The following KLHL1 variants were observed in gnomAD, a reference collection of about 807,000 sequenced individuals.
The protein encoded by KLHL1 is kelch like family member 1, also known as kelch-like protein 1.
Under a neutral mutation model 77.7 loss-of-function variants are expected in KLHL1, and 47 were observed. The observed-to-expected ratio is 0.60, with a 90% CI of 0.48 to 0.77. The LOEUF (loss-of-function observed/expected upper bound fraction) is 0.77, where lower values mean the gene tolerates loss of function less well. Among genes scored for constraint, KLHL1 ranks in the 30% least tolerant of loss-of-function variants. The pLI is 0.00. For missense variants in KLHL1, 925 were observed against 910.8 expected (o/e 1.02, Z -0.20); for synonymous variants, 360 against 325.2 (o/e 1.11, Z -1.15).
intron 7 of KLHL1, among the ~76,000 whole-genome samples, chr13:69,775,668 C>G (rs1251803011): frequency 6.6e-6 from 1 of 151,652 alleles, no homozygotes; most frequent in East Asian, 1.9e-4. Flanking sequence ...ATTATGTGAA[C>G]TGTATTTTTC....
chr13:69,984,501 G>A (rs1359569298), intron 1 of KLHL1, among the ~76,000 whole-genome samples: 4 of 152,106 alleles, frequency 2.6e-5, no homozygotes, highest in African/African-American at 4.8e-5. Context: ...TTAGGGTGGG[G>A]CAGCCAGCTT....
At chr13:69,863,016 T>G (rs1036092982) in intron 5 of KLHL1, among the ~76,000 whole-genome samples, 2 of 152,166 alleles carry the variant, frequency 1.3e-5, no homozygotes, top group African/African-American at 4.8e-5. Flanking sequence ...TATCTTTTAC[T>G]CTATGTGTAT....
intron 1 of KLHL1, among the ~76,000 whole-genome samples, chr13:70,103,516 G>T (rs1887974199): frequency 6.6e-6 from 1 of 152,010 alleles, no homozygotes; most frequent in Non-Finnish European, 1.5e-5. Flanking sequence ...GACTTGAGGA[G>T]GCAAAGATAA....
intron 7 of KLHL1, among the ~76,000 whole-genome samples, chr13:69,787,919 C>T (rs1265047540): frequency 1.3e-5 from 2 of 152,216 alleles, no homozygotes; most frequent in African/African-American, 4.8e-5. Flanking sequence ...CTCATCATCA[C>T]TGGCCATCAG....
intron 1 of KLHL1, among the ~76,000 whole-genome samples, chr13:69,981,805 A>T (rs1566470143): frequency 6.6e-6 from 1 of 152,022 alleles, no homozygotes; most frequent in South Asian, 2.1e-4. Context: ...AAAAAAATCT[A>T]AAAAAATTCT....
intron 4 of KLHL1, among the ~76,000 whole-genome samples, chr13:69,904,370 T>C (rs1318824627): frequency 1.3e-5 from 2 of 152,116 alleles, no homozygotes; most frequent in Non-Finnish European, 2.9e-5. Flanking sequence ...TTCAGCGAGA[T>C]TTCTATGGTG....
chr13:69,883,289 T>G (rs1223606452), intron 4 of KLHL1, among the ~76,000 whole-genome samples: 2 of 152,230 alleles, frequency 1.3e-5, no homozygotes, highest in African/African-American at 4.8e-5. Flanking sequence ...GTGTTCATAA[T>G]CTGACCTTTT....
At chr13:70,107,095 C>T in intron 1 of KLHL1, 108 bp downstream of exon 1, 1 of 1,488,334 alleles carries the variant, frequency 6.7e-7, no homozygotes, top group Non-Finnish European at 9.0e-7. Context: ...ATCTCTTAAC[C>T]CACATTTTCA....
At chr13:69,838,552 T>C (rs755835087) in intron 6 of KLHL1, among the ~76,000 whole-genome samples, 2 of 151,874 alleles carry the variant, frequency 1.3e-5, no homozygotes, top group Non-Finnish European at 2.9e-5. Flanking sequence ...TTCTTATACT[T>C]CTTTATAATT....
intron 5 of KLHL1, among the ~76,000 whole-genome samples, chr13:69,865,506 T>G (rs138776715): frequency 5.3e-5 from 8 of 152,224 alleles, no homozygotes; most frequent in South Asian, 2.1e-4. Context: ...AGGATTTAAT[T>G]TGTGTTTTTA....
At chr13:70,014,004 G>T (rs533873592) in intron 1 of KLHL1, among the ~76,000 whole-genome samples, 1 of 152,190 alleles carries the variant, frequency 6.6e-6, no homozygotes, top group South Asian at 2.1e-4. Context: ...TAAAAGCGTT[G>T]CTGGAAAACA....
chr13:69,889,710 C>G (rs935731243), intron 4 of KLHL1, among the ~76,000 whole-genome samples: 2 of 151,982 alleles, frequency 1.3e-5, no homozygotes, highest in Non-Finnish European at 2.9e-5. Context: ...CTGCTACTTA[C>G]TAGCTGTGGA....
intron 4 of KLHL1, among the ~76,000 whole-genome samples, chr13:69,885,348 C>T (rs1881177445): frequency 6.6e-6 from 1 of 152,062 alleles, no homozygotes; most frequent in Non-Finnish European, 1.5e-5. Flanking sequence ...TTTGTACAAA[C>T]TGCTATAAGG....
intron 6 of KLHL1, among the ~76,000 whole-genome samples, chr13:69,815,248 G>A (rs1878070772): frequency 6.6e-6 from 1 of 152,100 alleles, no homozygotes; most frequent in Admixed American, 6.6e-5. Flanking sequence ...AACGACACCT[G>A]CACTCATATG....
chr13:69,984,609 T>C lies in KLHL1; in HGVS notation c.498-8807A>G, dbSNP rs975201777. The stretch of plus-strand genomic sequence containing the variant: ...CTAGCTAGTCTGTAAAACCCGTGCA[T>C]TTCCCAGGGGACTGGAAAACCCACT... On this transcript the variant is annotated intron_variant, in intron 1 of 10. Coordinates refer to ENST00000377844, the MANE Select transcript of KLHL1 (RefSeq NM_020866.3). Among the ~76,000 whole-genome samples, 5 of 152,180 alleles carry C rather than the reference T, an allele frequency of 3.3e-5. No homozygotes were observed. The East Asian group carries it at 9.6e-4, about 29-fold the overall frequency.
intron 5 of KLHL1, among the ~76,000 whole-genome samples, chr13:69,846,300 T>C (rs1355011171): frequency 6.6e-6 from 1 of 151,546 alleles, no homozygotes; most frequent in Non-Finnish European, 1.5e-5. Flanking sequence ...CAGTTTTCTT[T>C]GTGATTAAAT....
At chr13:69,899,354 G>C (rs1474169562) in intron 4 of KLHL1, among the ~76,000 whole-genome samples, 2 of 152,072 alleles carry the variant, frequency 1.3e-5, no homozygotes, top group African/African-American at 4.8e-5. Context: ...GGAAAAGAAA[G>C]AAGCTACTCT....
intron 4 of KLHL1, among the ~76,000 whole-genome samples, chr13:69,926,032 A>C (rs1429232072): frequency 6.6e-6 from 1 of 152,250 alleles, no homozygotes. Flanking sequence ...AAGTCAGTCT[A>C]TATAGCAAGT....
At chr13:69,978,488 ATTT>A (rs66960703) in intron 1 of KLHL1, among the ~76,000 whole-genome samples, 46,891 of 139,574 alleles carry the variant, frequency 0.34, 8,242 homozygotes, top group African/African-American at 0.48. Context: ...TGGTCAGAAT[ATTT>A]TTTTTTTTTT....
Sources: gnomAD v4.1 joint callset for allele counts (sites outside exome capture counted in the v4.1 genomes callset) on GRCh38, gnomAD v4.1.1 for gene constraint, MANE v1.5 for transcripts, NCBI Gene and HGNC (gene_info 2026-07-23, HGNC 2026-07-21) for gene names.